The following FMO2 variants were observed in gnomAD, a reference collection of about 807,000 sequenced individuals.
The protein encoded by FMO2 is flavin-containing monooxygenase 2.
A neutral mutation model predicts 41.6 loss-of-function variants in FMO2; 33 were observed. The observed-to-expected ratio is 0.79, with a 90% CI of 0.60 to 1.06. The LOEUF is 1.06. FMO2 is among the 50% of genes least tolerant of loss of function. The pLI, the probability that FMO2 is intolerant of heterozygous loss-of-function variation, is 0.00. For missense variants in FMO2, 619 were observed against 632.9 expected (o/e 0.98, Z 0.23); for synonymous variants, 214 against 219.6 (o/e 0.97, Z 0.23).
chr1:171,205,954 G>A (rs1658743958), intron 7 of FMO2, among the ~76,000 whole-genome samples: 1 of 152,132 alleles, frequency 6.6e-6, no homozygotes, highest in South Asian at 2.1e-4. Context: ...TCTGTCTCCT[G>A]GTTTTACCTC....
In FMO2 at chr1:171,205,278, G is replaced by T. The variant is rs1314985090; in HGVS notation, c.828-1G>T. 6.3e-7 allele frequency: 1 copy of T among 1,575,078 alleles called. No individual in the cohort carries two copies. Among genetic ancestry groups the T allele is most frequent in the African/African-American group, 1.4e-5 (1 of 73,804 alleles). ...GAATGTTTTTCTTCTGTATGTCTCA[G>T]ATACATTATGAAGGAACCTGTACTA... On this transcript the variant is annotated splice_acceptor_variant, in intron 6 of 8. Transcript: ENST00000209929. LOFTEE classifies it high-confidence loss of function.
At chr1:171,188,030 ATTTTTTTT>A (rs67830022) in intron 2 of FMO2, among the ~76,000 whole-genome samples, 22 of 97,692 alleles carry the variant, frequency 2.3e-4, no homozygotes, top group East Asian at 2.9e-4. Context: ...TTCAGCTGGA[ATTTTTTTT>A]TTTTTTTTTT....
At chr1:171,186,373 A>G (rs906916872) in intron 2 of FMO2, 1 of 152,800 alleles carries the variant, frequency 6.5e-6, no homozygotes, top group African/African-American at 2.4e-5. Context: ...AATATTGATA[A>G]TGCTATTTGT....
In FMO2 at chr1:171,209,486, T is replaced by C. The variant is rs1014735863; in HGVS notation, c.*341T>C. 1 of 187,110 alleles carries C rather than the reference T, an allele frequency of 5.3e-6. No homozygotes were observed. Among genetic ancestry groups the C allele is most frequent in the Admixed American group, 6.2e-5 (1 of 16,192 alleles). The allele number at this position is 187,110 out of a possible 1,614,324, so 11.6% of individuals were successfully genotyped here. A position where few individuals can be genotyped will look rare whatever the true frequency, so the allele number is the denominator to read the frequency against. On this transcript the variant is annotated 3_prime_UTR_variant, in exon 9 of 9. Transcript: ENST00000209929. Reference sequence around the variant, plus strand: ...ATTACACAGCATGAAAAGCAGCCCATGGTTTAAATTATTGGACAATTTAAA... The same window carrying C: ...ATTACACAGCATGAAAAGCAGCCCACGGTTTAAATTATTGGACAATTTAAA...
intron 3 of FMO2, among the ~76,000 whole-genome samples, chr1:171,194,918 C>T (rs1282290358): frequency 3.3e-5 from 5 of 152,048 alleles, no homozygotes; most frequent in Non-Finnish European, 7.4e-5. Flanking sequence ...TTAAAATGTC[C>T]AGTTCTACCT....
chr1:171,204,475 C>A (rs1450207259), intron 6 of FMO2, among the ~76,000 whole-genome samples: 1 of 152,244 alleles, frequency 6.6e-6, no homozygotes, highest in East Asian at 1.9e-4. Context: ...AAAACACATT[C>A]CTTTTTCTTT....
intron 6 of FMO2, among the ~76,000 whole-genome samples, chr1:171,204,949 A>G (rs1342515774): frequency 1.3e-5 from 2 of 152,212 alleles, no homozygotes; most frequent in Non-Finnish European, 2.9e-5. Flanking sequence ...GAAAAAGGTT[A>G]AAAACAGAAA....
In FMO2 at chr1:171,195,858, C is replaced by T. The variant is rs916858064; in HGVS notation, c.322-791C>T. On this transcript the variant is annotated intron_variant, in intron 3 of 8. Coordinates refer to ENST00000209929, the MANE Select transcript of FMO2 (RefSeq NM_001460.5). ...ATAAGATCATGAACTGTCTTGCTCA[C>T]ATGATGTACTCTGTTTTAAAAATAG... Among the ~76,000 whole-genome samples the T allele has an allele frequency of 3.3e-5, 5 of 152,176 alleles. No homozygotes were observed. In the South Asian group the frequency reaches 1.0e-3, roughly 32 times the overall value.
chr1:171,198,653 C>T lies in FMO2; in HGVS notation c.485-693C>T, dbSNP rs28369869. Among the ~76,000 whole-genome samples the T allele has an allele frequency of 5.5e-3, 842 of 152,164 alleles. 13 individuals carry two copies. Among genetic ancestry groups the T allele is most frequent in the African/African-American group, 0.015 (642 of 41,530 alleles). ...TTCAAATTCCTGACCTCAGTTGATCCGCCCGCCTTGGCCTCCCAAAGTGCT... is the reference window on the plus strand; with the variant it reads ...TTCAAATTCCTGACCTCAGTTGATCTGCCCGCCTTGGCCTCCCAAAGTGCT... On this transcript the variant is annotated intron_variant, in intron 4 of 8. Coordinates refer to ENST00000209929, the MANE Select transcript of FMO2 (RefSeq NM_001460.5).
rs1313190789 is a variant in FMO2 at position 171,211,786 on chromosome 1, A to G, written c.*2641A>G. On this transcript the variant is annotated 3_prime_UTR_variant, in exon 9 of 9. Transcript: ENST00000209929. The stretch of plus-strand genomic sequence containing the variant: ...AAAATATTAGCCACAGACCACCTAC[A>G]TCACAATAACTCAGGGAGCTTATAG... Among the ~76,000 whole-genome samples the G allele has an allele frequency of 4.0e-5, 6 of 148,286 alleles. No individual in the cohort carries two copies. In the East Asian group the frequency reaches 1.2e-3, roughly 29 times the overall value.
chr1:171,193,238 G>A, intron 2 of FMO2, 97 bp from the exon 3 acceptor site: 1 of 735,366 alleles, frequency 1.4e-6, no homozygotes, highest in East Asian at 2.5e-5. Flanking sequence ...AGCAACCAAA[G>A]ACAATCGCAT....
Position 171,199,362 on chromosome 1 carries a change from A to G in FMO2, c.501A>G (p.Lys167=). 6.2e-7 allele frequency: 1 copy of G among 1,609,000 alleles called. No individual in the cohort carries two copies. Among genetic ancestry groups the G allele is most frequent in the East Asian group, 2.2e-5 (1 of 44,666 alleles). Residue 167 remains lysine, a synonymous_variant, in exon 5 of 9, where the codon AAA becomes AAG. Transcript: ENST00000209929. ...LKSFPGMERF[K]GQYFHSRQYK... is the part of the protein sequence containing the mutation. ...CCCCTGAAGGTATGGAGAGGTTCAAAGGCCAATATTTCCATAGCCGCCAAT... is the reference window on the plus strand; with the variant it reads ...CCCCTGAAGGTATGGAGAGGTTCAAGGGCCAATATTTCCATAGCCGCCAAT...
chr1:171,192,019 A>G (rs982053301), intron 2 of FMO2, among the ~76,000 whole-genome samples: 4 of 152,102 alleles, frequency 2.6e-5, no homozygotes, highest in African/African-American at 9.7e-5. Flanking sequence ...TGGGCCACAG[A>G]GTGAGACCCT....
chr1:171,205,079 CTTAT>C (rs1658698772), intron 6 of FMO2, among the ~76,000 whole-genome samples, 196 bp from the exon 7 acceptor site: 1 of 152,094 alleles, frequency 6.6e-6, no homozygotes, highest in Admixed American at 6.6e-5. Flanking sequence ...CATGTTTTCC[CTTAT>C]TTATTGACAA....
Position 171,193,528 on chromosome 1 carries a change from T to A in FMO2, c.321+5T>A. 6.3e-7 allele frequency: 1 copy of A among 1,578,068 alleles called. No individual in the cohort carries two copies. Among genetic ancestry groups the A allele is most frequent in the Non-Finnish European group, 8.7e-7 (1 of 1,153,038 alleles). On this transcript the variant is annotated splice_donor_5th_base_variant and intron_variant, in intron 3 of 8. Transcript: ENST00000209929. Reference sequence around the variant, plus strand: ...CTAAAATATATTCAGTTCCAGGTATTGTATTTTTGGGGAAATGGGTTTCTC... The same window carrying A: ...CTAAAATATATTCAGTTCCAGGTATAGTATTTTTGGGGAAATGGGTTTCTC...
intron 3 of FMO2, among the ~76,000 whole-genome samples, chr1:171,195,950 C>T (rs931788223): frequency 2.0e-5 from 3 of 152,144 alleles, no homozygotes; most frequent in South Asian, 2.1e-4. Context: ...AAGTGTTTTG[C>T]GTGAAATATC....
rs201409118 is a variant in FMO2 at position 171,185,753 on chromosome 1, G to A, written c.40G>A (p.Gly14Ser). The A allele has an allele frequency of 1.8e-5, 29 of 1,613,862 alleles. No homozygotes were observed. Among genetic ancestry groups the A allele is most frequent in the Non-Finnish European group, 2.4e-5 (28 of 1,179,812 alleles). ...AGCTGTGATTGGAGCTGGGGTCAGT[G>A]GCCTAATTTCTCTGAAGTGCTGTGT... ...KVAVIGAGVS[G>S]LISLKCCVDE... Residue 14 changes from glycine to serine, a missense_variant, in exon 2 of 9, where the codon GGC (glycine) becomes AGC (serine). By Grantham distance (56) the Gly-to-Ser change is moderately conservative. Coordinates refer to ENST00000209929, the MANE Select transcript of FMO2 (RefSeq NM_001460.5).
chr1:171,207,215 A>G (rs1474298610), intron 7 of FMO2, among the ~76,000 whole-genome samples: 2 of 152,180 alleles, frequency 1.3e-5, no homozygotes, highest in African/African-American at 2.4e-5. Context: ...TTCTGCATCA[A>G]TCTTTCCCTA....
intron 3 of FMO2, among the ~76,000 whole-genome samples, chr1:171,195,451 A>G (rs1176118010): frequency 6.6e-6 from 1 of 152,236 alleles, no homozygotes; most frequent in Non-Finnish European, 1.5e-5. Flanking sequence ...CATTTTGAAT[A>G]GCAAGGATCT....
Sources: gnomAD v4.1 joint callset for allele counts (sites outside exome capture counted in the v4.1 genomes callset) on GRCh38, gnomAD v4.1.1 for gene constraint, MANE v1.5 for transcripts, NCBI Gene and HGNC (gene_info 2026-07-23, HGNC 2026-07-21) for gene names.